Variants in CEP112 observed in about 807,000 individuals in gnomAD.
CEP112 encodes centrosomal protein 112, also known as centrosomal protein of 112 kDa.
In CEP112, 127 loss-of-function variants were observed where a neutral mutation model predicts 153.0. The ratio of observed to expected loss-of-function variants is 0.83; its 90% confidence interval spans 0.72 to 0.96. The LOEUF is 0.96. Among genes scored for constraint, CEP112 ranks in the 40% least tolerant of loss-of-function variants. The pLI, the probability that CEP112 is intolerant of heterozygous loss-of-function variation, is 0.00. For missense variants in CEP112, 1,089 were observed against 1,101.2 expected (o/e 0.99, Z 0.16); for synonymous variants, 358 against 374.4 (o/e 0.96, Z 0.51).
chr17:65,894,700 T>C (rs1241843843), intron 20 of CEP112, among the ~76,000 whole-genome samples: 1 of 152,090 alleles, frequency 6.6e-6, no homozygotes, highest in Non-Finnish European at 1.5e-5. Context: ...GTAGGCCTCA[T>C]TGACCTAAAA....
intron 16 of CEP112, among the ~76,000 whole-genome samples, chr17:66,021,770 A>C (rs1305653330): frequency 6.6e-6 from 1 of 152,178 alleles, no homozygotes; most frequent in Non-Finnish European, 1.5e-5. Context: ...AGACTTGCCC[A>C]GTCCAGCTCT....
At chr17:66,107,776 C>T (rs935421237) in intron 6 of CEP112, among the ~76,000 whole-genome samples, 3 of 151,776 alleles carry the variant, frequency 2.0e-5, no homozygotes, top group Non-Finnish European at 4.4e-5. Context: ...ACATTCTTCA[C>T]AAAAATAGAA....
chr17:66,009,874 A>G (rs1266290362), intron 16 of CEP112, among the ~76,000 whole-genome samples: 26 of 152,266 alleles, frequency 1.7e-4, no homozygotes, highest in South Asian at 2.1e-4. Flanking sequence ...GGCTTATAAT[A>G]TAGTTTGAAG....
intron 8 of CEP112, among the ~76,000 whole-genome samples, chr17:66,088,245 C>T (rs1205883086): frequency 6.6e-6 from 1 of 151,652 alleles, no homozygotes; most frequent in Non-Finnish European, 1.5e-5. Context: ...GACTGAGCCT[C>T]TAGGCCTAAT....
rs1378544867 is a variant in CEP112, at chr17:66,130,742, C to G, written c.565-919G>C. Among the ~76,000 whole-genome samples the G allele has an allele frequency of 4.0e-5, 6 of 149,604 alleles. No individual in the cohort carries two copies. The Admixed American group carries it at 4.0e-4, about 10-fold the overall frequency. ...AGTGAGCCAAGATCACGCCACTGCA[C>G]TCCAGCCTGGGCGACAGAGCGAGAC... On this transcript the variant is annotated intron_variant, in intron 5 of 26. Coordinates refer to ENST00000535342, the MANE Select transcript of CEP112 (RefSeq NM_001199165.4).
intron 17 of CEP112, among the ~76,000 whole-genome samples, chr17:66,002,456 C>G (rs1005599643): frequency 1.4e-4 from 22 of 152,048 alleles, no homozygotes; most frequent in African/African-American, 5.3e-4. Context: ...AGGAGTATAT[C>G]TGGTCATGTA....
intron 8 of CEP112, among the ~76,000 whole-genome samples, chr17:66,094,745 T>C (rs761533318): frequency 6.6e-6 from 1 of 152,130 alleles, no homozygotes; most frequent in African/African-American, 2.4e-5. Context: ...CTGCAAGCCA[T>C]ATATCTAATA....
intron 21 of CEP112, among the ~76,000 whole-genome samples, chr17:65,825,154 A>G (rs1370800648): frequency 6.6e-6 from 1 of 152,242 alleles, no homozygotes; most frequent in Non-Finnish European, 1.5e-5. Flanking sequence ...CATTTTGAAC[A>G]AAACAGGAAA....
At chr17:65,793,683 A>G (rs1394375062) in intron 21 of CEP112, among the ~76,000 whole-genome samples, 2 of 152,262 alleles carry the variant, frequency 1.3e-5, no homozygotes, top group East Asian at 1.9e-4. Context: ...AGCCTTACTT[A>G]GTCCATCATT....
intron 1 of CEP112, among the ~76,000 whole-genome samples, chr17:66,187,779 T>A (rs933394307): frequency 6.6e-6 from 1 of 152,188 alleles, no homozygotes; most frequent in African/African-American, 2.4e-5. Context: ...TCCAGACTCA[T>A]TTACAATAGC....
intron 18 of CEP112, among the ~76,000 whole-genome samples, chr17:65,949,357 A>C (rs1414067433): frequency 6.6e-6 from 1 of 152,190 alleles, no homozygotes; most frequent in East Asian, 1.9e-4. Context: ...AGTGAAGAAT[A>C]TTTCTTCAAC....
chr17:65,742,343 T>G lies in CEP112; in HGVS notation c.2607+725A>C, dbSNP rs115878157. On this transcript the variant is annotated intron_variant, in intron 23 of 26. Coordinates refer to ENST00000535342, the MANE Select transcript of CEP112 (RefSeq NM_001199165.4). ...AAAATAATCTTTTGCTGGGAATTCT[T>G]TAAAAATTTTTTGTTCTCTTTTAAA... Among the ~76,000 whole-genome samples, 784 of 152,336 alleles carry G rather than the reference T, an allele frequency of 5.1e-3. 6 individuals are homozygous for G. The highest frequency in any genetic ancestry group is 0.018 in the African/African-American group (749 of 41,576).
chr17:65,997,278 G>T (rs2145334408), intron 17 of CEP112, among the ~76,000 whole-genome samples: 1 of 152,166 alleles, frequency 6.6e-6, no homozygotes, highest in South Asian at 2.1e-4. Context: ...TAATCCATAA[G>T]CCTCCTAACA....
intron 17 of CEP112, among the ~76,000 whole-genome samples, chr17:66,002,567 A>C (rs11870923): frequency 0.04 from 6,066 of 152,280 alleles, 166 homozygotes; most frequent in South Asian, 0.11. Flanking sequence ...CCAAAATCCC[A>C]GGATAATTTA....
intron 12 of CEP112, among the ~76,000 whole-genome samples, chr17:66,038,137 G>GAA (rs2065819702): frequency 7.8e-6 from 1 of 128,354 alleles, no homozygotes. Flanking sequence ...AAAGAAAAAA[G>GAA]AAGATTCTGA....
Position 65,691,423 on chromosome 17 carries a change from T to C in CEP112, c.2608-2205A>G, listed in dbSNP as rs1428985688. 3.9e-5 allele frequency among the ~76,000 whole-genome samples: 6 copies of C among 152,266 alleles called. No homozygotes were observed. The South Asian group carries it at 1.0e-3, about 26-fold the overall frequency. On this transcript the variant is annotated intron_variant, in intron 23 of 26. Transcript: ENST00000535342. ...AGAGAAAAACCATAGTTTTATGATT[T>C]TGCCTCTCACTGTAGGACATTCATA... is the stretch of plus-strand genomic sequence containing the variant.
chr17:66,027,375 TA>T (rs35334393), intron 16 of CEP112, 125 bp downstream of exon 16: 391 of 851,260 alleles, frequency 4.6e-4, no homozygotes, highest in Non-Finnish European at 5.1e-4. Flanking sequence ...AGACTCTGTC[TA>T]AAAAAAAAGA....
intron 23 of CEP112, among the ~76,000 whole-genome samples, chr17:65,703,327 G>A (rs532052494): frequency 5.3e-5 from 8 of 151,980 alleles, no homozygotes; most frequent in South Asian, 4.2e-4. Flanking sequence ...CTTGGCCAAC[G>A]TGGTGAAACC....
intron 17 of CEP112, among the ~76,000 whole-genome samples, chr17:65,973,551 G>A (rs2062925981): frequency 6.6e-6 from 1 of 152,136 alleles, no homozygotes; most frequent in African/African-American, 2.4e-5. Context: ...ACCACAATAA[G>A]ATACTACTAC....
Sources: gnomAD v4.1 joint callset for allele counts (sites outside exome capture counted in the v4.1 genomes callset) on GRCh38, gnomAD v4.1.1 for gene constraint, MANE v1.5 for transcripts, NCBI Gene and HGNC (gene_info 2026-07-23, HGNC 2026-07-21) for gene names.